RNF130: variants seen among roughly 807,000 people sequenced by gnomAD.
RNF130 encodes ring finger protein 130, also known as E3 ubiquitin-protein ligase RNF130.
A neutral mutation model predicts 44.6 loss-of-function variants in RNF130; 21 were observed. The ratio of observed to expected loss-of-function variants is 0.47; its 90% CI spans 0.33 to 0.68. The LOEUF (loss-of-function observed/expected upper bound fraction) is 0.68. Ranked by LOEUF, RNF130 falls within the 30% of genes least tolerant of loss-of-function variation. RNF130 has a pLI of 0.02. For missense variants in RNF130, 479 were observed against 560.6 expected (o/e 0.85, Z 1.47); for synonymous variants, 214 against 210.4 (o/e 1.02, Z -0.15).
intron 2 of RNF130, among the ~76,000 whole-genome samples, chr5:180,019,245 G>A (rs1056458079): frequency 5.3e-5 from 8 of 152,084 alleles, no homozygotes; most frequent in East Asian, 1.9e-4. Flanking sequence ...TTAGCCGGGC[G>A]TGGTGGCGGG....
At chr5:180,060,442 G>A (rs899845610) in intron 1 of RNF130, among the ~76,000 whole-genome samples, 4 of 152,174 alleles carry the variant, frequency 2.6e-5, no homozygotes, top group Admixed American at 2.0e-4. Context: ...ATCATAAGCT[G>A]AAGAAACACA....
At chr5:180,024,724 T>G (rs1186923446) in intron 2 of RNF130, among the ~76,000 whole-genome samples, 1 of 152,060 alleles carries the variant, frequency 6.6e-6, no homozygotes, top group African/African-American at 2.4e-5. Flanking sequence ...CAGAAAGAAA[T>G]AAAGAACAGC....
chr5:180,022,479 AC>A (rs1342923948), intron 2 of RNF130, among the ~76,000 whole-genome samples: 1 of 152,230 alleles, frequency 6.6e-6, no homozygotes, highest in Non-Finnish European at 1.5e-5. Flanking sequence ...GTCTTCACTT[AC>A]GTAAATGTGA....
At chr5:179,979,644 G>A (rs1314975133) in intron 4 of RNF130, among the ~76,000 whole-genome samples, 2 of 152,080 alleles carry the variant, frequency 1.3e-5, no homozygotes, top group African/African-American at 4.8e-5. Flanking sequence ...AGAGGTCTCC[G>A]CCACAGCATC....
intron 2 of RNF130, among the ~76,000 whole-genome samples, chr5:180,027,182 AGACT>A (rs1764010759): frequency 6.6e-6 from 1 of 151,734 alleles, no homozygotes. Flanking sequence ...CCATCCCTTG[AGACT>A]GTCTGGGGTG....
intron 1 of RNF130, among the ~76,000 whole-genome samples, chr5:180,058,223 C>G (rs763293929): frequency 8.5e-5 from 13 of 152,176 alleles, no homozygotes; most frequent in Non-Finnish European, 1.8e-4. Context: ...AACTTCTCCA[C>G]TAGGTTCATG....
At chr5:179,940,599 C>CT (rs1268603111) in intron 7 of RNF130, among the ~76,000 whole-genome samples, 1 of 152,074 alleles carries the variant, frequency 6.6e-6, no homozygotes, top group Non-Finnish European at 1.5e-5. Context: ...ATTTTAAAAA[C>CT]TTTAAAAATT....
intron 3 of RNF130, among the ~76,000 whole-genome samples, chr5:180,005,115 T>C (rs1231265442): frequency 6.6e-6 from 1 of 152,140 alleles, no homozygotes; most frequent in Non-Finnish European, 1.5e-5. Context: ...AAGAATTGTA[T>C]ATCACTCCAC....
At chr5:179,950,443 G>C (rs765571054), downstream of RNF130, among the ~76,000 whole-genome samples, 2 of 152,116 alleles carry the variant, frequency 1.3e-5, no homozygotes, top group Admixed American at 1.3e-4. Flanking sequence ...GATACTAATC[G>C]TATTTCTGGT....
At chr5:179,962,658 A>G (rs1052403068) in intron 8 of RNF130, among the ~76,000 whole-genome samples, 1 of 152,184 alleles carries the variant, frequency 6.6e-6, no homozygotes, top group Non-Finnish European at 1.5e-5. Flanking sequence ...AACCCTTTCT[A>G]TACCTTATCC....
intron 1 of RNF130, among the ~76,000 whole-genome samples, chr5:180,070,691 C>G (rs1294094465): frequency 6.6e-6 from 1 of 152,186 alleles, no homozygotes; most frequent in African/African-American, 2.4e-5. Flanking sequence ...TTCTTTCAAA[C>G]CATGACTAAT....
intron 1 of RNF130, among the ~76,000 whole-genome samples, chr5:180,058,580 G>A (rs1050912148): frequency 6.6e-6 from 1 of 152,134 alleles, no homozygotes; most frequent in Non-Finnish European, 1.5e-5. Flanking sequence ...TTTTGAGATG[G>A]AGTCTTGCTG....
chr5:179,931,707 G>A (rs907878554), intron 7 of RNF130, among the ~76,000 whole-genome samples: 35 of 151,450 alleles, frequency 2.3e-4, no homozygotes, highest in African/African-American at 8.0e-4. Context: ...CCTGGGAGGC[G>A]GAGGTTGCAG....
intron 3 of RNF130, among the ~76,000 whole-genome samples, chr5:180,008,890 A>T (rs78413790): frequency 4.8e-5 from 7 of 147,116 alleles, no homozygotes; most frequent in African/African-American, 1.7e-4. Flanking sequence ...TCTCAAAAGG[A>T]AAAAAAAAAA....
chr5:179,938,306 C>A (rs1316475936), intron 7 of RNF130, among the ~76,000 whole-genome samples: 1 of 152,006 alleles, frequency 6.6e-6, no homozygotes, highest in East Asian at 1.9e-4. Flanking sequence ...AGGCCAAACA[C>A]AAAAGGTCAC....
chr5:179,967,886 C>T (rs1762485734), intron 6 of RNF130, among the ~76,000 whole-genome samples: 1 of 152,148 alleles, frequency 6.6e-6, no homozygotes, highest in Non-Finnish European at 1.5e-5. Flanking sequence ...AGGCTCACAC[C>T]CAGTTAAAAG....
intron 5 of RNF130, among the ~76,000 whole-genome samples, chr5:179,972,537 C>CT (rs1762608179): frequency 6.6e-6 from 1 of 151,352 alleles, no homozygotes; most frequent in African/African-American, 2.4e-5. Flanking sequence ...CGGGGGAGGC[C>CT]TAGGTGCCTT....
At chr5:179,929,373 G>T (rs918824345) in intron 7 of RNF130, among the ~76,000 whole-genome samples, 2 of 152,158 alleles carry the variant, frequency 1.3e-5, no homozygotes, top group Non-Finnish European at 2.9e-5. Flanking sequence ...CAAAAGTCTT[G>T]ATTTCCAGTA....
chr5:180,060,717 G>A (rs916938268), intron 1 of RNF130, among the ~76,000 whole-genome samples: 2 of 152,116 alleles, frequency 1.3e-5, no homozygotes, highest in African/African-American at 2.4e-5. Context: ...AAGGTACACC[G>A]CTTTCATCAC....
Sources: gnomAD v4.1 joint callset for allele counts (sites outside exome capture counted in the v4.1 genomes callset) on GRCh38, gnomAD v4.1.1 for gene constraint, MANE v1.5 for transcripts, NCBI Gene and HGNC (gene_info 2026-07-23, HGNC 2026-07-21) for gene names.